AFF2: variants seen among roughly 807,000 people sequenced by gnomAD.
AFF2 encodes AF4/FMR2 family member 2.
AFF2 carries 14 observed loss-of-function variants against 76.9 expected under a neutral mutation model. The ratio of observed to expected loss-of-function variants is 0.18; its 90% CI spans 0.12 to 0.28. The LOEUF is 0.28. Ranked by LOEUF, AFF2 falls within the 10% of genes least tolerant of loss-of-function variation. The pLI is 1.00. For missense variants in AFF2, 868 were observed against 1,001.1 expected (o/e 0.87, Z 1.79); for synonymous variants, 398 against 366.7 (o/e 1.09, Z -0.98).
intron 1 of AFF2, among the ~76,000 whole-genome samples, chrX:148,554,531 C>G: frequency 8.9e-6 from 1 of 112,019 alleles, no homozygotes; most frequent in South Asian, 3.8e-4. Flanking sequence ...ATCACAGTCT[C>G]AATCCTGCTG....
At chrX:148,903,639 G>T (rs2071377858) in intron 8 of AFF2, among the ~76,000 whole-genome samples, 1 of 111,776 alleles carries the variant, frequency 8.9e-6, no homozygotes, top group Non-Finnish European at 1.9e-5. Flanking sequence ...TTTCTTAAAG[G>T]TTCCACAGGA....
At chrX:148,822,197 G>A (rs928926189) in intron 4 of AFF2, 13 of 111,535 alleles carry the variant, frequency 1.2e-4, no homozygotes, top group African/African-American at 4.2e-4. Context: ...AGCTCCAATC[G>A]TTTAGATGTG....
intron 1 of AFF2, among the ~76,000 whole-genome samples, chrX:148,596,635 G>A (rs1287011901): frequency 8.9e-6 from 1 of 112,310 alleles, no homozygotes; most frequent in African/African-American, 3.2e-5. Flanking sequence ...AGGCCAAATA[G>A]TGATATGCTG....
At chrX:148,875,457 G>A (rs2071025291) in intron 7 of AFF2, among the ~76,000 whole-genome samples, 1 of 111,749 alleles carries the variant, frequency 8.9e-6, no homozygotes, top group Non-Finnish European at 1.9e-5. Context: ...TGTTTAAATT[G>A]GAGTAATTAT....
intron 1 of AFF2, among the ~76,000 whole-genome samples, chrX:148,638,072 C>CCATATCCTTG (rs1216643495): frequency 9.0e-6 from 1 of 110,593 alleles, no homozygotes; most frequent in East Asian, 2.8e-4. Flanking sequence ...GTATGTCCTG[C>CCATATCCTTG]CATATCCTTG....
At chrX:148,909,732 C>A (rs1339393955) in intron 9 of AFF2, among the ~76,000 whole-genome samples, 1 of 111,804 alleles carries the variant, frequency 8.9e-6, no homozygotes, top group African/African-American at 3.3e-5. Context: ...CTATTTCTCA[C>A]TATACTGGAA....
chrX:148,945,271 T>A (rs1229307166), intron 9 of AFF2, among the ~76,000 whole-genome samples: 1 of 111,865 alleles, frequency 8.9e-6, no homozygotes, highest in Non-Finnish European at 1.9e-5. Context: ...TCAGAAGGAA[T>A]CTGATAGAAA....
At chrX:148,968,633 A>G in intron 15 of AFF2, among the ~76,000 whole-genome samples, 1 of 112,235 alleles carries the variant, frequency 8.9e-6, no homozygotes, top group Middle Eastern at 4.6e-3. Context: ...AAATACCATG[A>G]CTAGTGTGTA....
chrX:148,987,267 T>A lies in AFF2; in HGVS notation c.3624-100T>A, dbSNP rs2072482950. 2.2e-5 allele frequency: 17 copies of A among 772,807 alleles called. No individual in the cohort carries two copies. In the South Asian group the frequency reaches 4.4e-4, roughly 20 times the overall value. The allele number at this position is 772,807 out of a possible 1,213,427, so 63.7% of individuals were successfully genotyped here. On this transcript the variant is annotated intron_variant, in intron 19 of 20. Transcript: ENST00000370460. ...CTATGCTAAACTTCACTCCAGCAAA[T>A]GGCATTCTGATGAGATCCCAGCGTG...
At chrX:148,690,953 A>G (rs1465059893) in intron 3 of AFF2, among the ~76,000 whole-genome samples, 2 of 111,173 alleles carry the variant, frequency 1.8e-5, no homozygotes, top group African/African-American at 6.5e-5. Flanking sequence ...GTGTATCTTA[A>G]TCTCTTGTTC....
intron 4 of AFF2, among the ~76,000 whole-genome samples, chrX:148,820,767 G>A (rs1361645093): frequency 9.0e-6 from 1 of 111,451 alleles, no homozygotes. Context: ...ATTTACTCAT[G>A]TAACAAACAT....
At chrX:148,908,834 G>A (rs2071438447) in intron 9 of AFF2, among the ~76,000 whole-genome samples, 1 of 112,088 alleles carries the variant, frequency 8.9e-6, no homozygotes, top group African/African-American at 3.2e-5. Context: ...ATTTCAGTAA[G>A]CATAAATAAA....
At chrX:148,907,746 G>A (rs905162993) in intron 9 of AFF2, among the ~76,000 whole-genome samples, 15 of 111,342 alleles carry the variant, frequency 1.3e-4, no homozygotes, top group African/African-American at 3.9e-4. Context: ...ATGAAGTTTC[G>A]GGCACGCATT....
rs1350068285 is a variant in AFF2 at position 148,500,759 on chromosome X, C to T, written c.-339C>T. On this transcript the variant is annotated 5_prime_UTR_variant, in exon 1 of 21. Coordinates refer to ENST00000370460, the MANE Select transcript of AFF2 (RefSeq NM_002025.4). The stretch of plus-strand genomic sequence containing the variant: ...CGCCGCCGCTGCCGCCGCCGGCCCG[C>T]AGCCAGCCAGGCGGGCGGCCCAGCC... The T allele has an allele frequency of 2.0e-5, 2 of 98,261 alleles. No homozygotes were observed. Among genetic ancestry groups the T allele is most frequent in the African/African-American group, 3.7e-5 (1 of 27,374 alleles). The allele number at this position is 98,261 out of a possible 1,213,427, so 8.1% of individuals were successfully genotyped here.
At chrX:148,836,565 A>T (rs782817849) in intron 4 of AFF2, among the ~76,000 whole-genome samples, 1 of 110,992 alleles carries the variant, frequency 9.0e-6, no homozygotes, top group Admixed American at 9.6e-5. Context: ...TCCTTCCCCA[A>T]ATCCCTACTT....
At chrX:148,792,369 C>T (rs1451622690) in intron 3 of AFF2, among the ~76,000 whole-genome samples, 1 of 112,591 alleles carries the variant, frequency 8.9e-6, no homozygotes, top group Non-Finnish European at 1.9e-5. Context: ...AGGAGAATTG[C>T]TTGAACTCAG....
chrX:148,526,453 G>A (rs181672317), intron 1 of AFF2, among the ~76,000 whole-genome samples: 1 of 82,619 alleles, frequency 1.2e-5, no homozygotes, highest in Non-Finnish European at 2.3e-5. Context: ...ATGTCCTTTT[G>A]ATTATGAATC....
chrX:148,988,601 A>T (rs184548596), intron 20 of AFF2, among the ~76,000 whole-genome samples: 9 of 112,332 alleles, frequency 8.0e-5, no homozygotes, highest in African/African-American at 2.9e-4. Flanking sequence ...AGCACCTAGT[A>T]TAAAATTCTG....
intron 3 of AFF2, among the ~76,000 whole-genome samples, chrX:148,765,822 T>C (rs2069507070): frequency 9.4e-6 from 1 of 106,370 alleles, no homozygotes; most frequent in Non-Finnish European, 1.9e-5. Context: ...TCATCTAGCA[T>C]TAGGTATATC....
Sources: gnomAD v4.1 joint callset for allele counts (sites outside exome capture counted in the v4.1 genomes callset) on GRCh38, gnomAD v4.1.1 for gene constraint, MANE v1.5 for transcripts, NCBI Gene and HGNC (gene_info 2026-07-23, HGNC 2026-07-21) for gene names.